POLQ: variants seen among roughly 807,000 people sequenced by gnomAD.
POLQ encodes the protein DNA polymerase theta.
POLQ carries 233 observed loss-of-function variants against 259.2 expected under a neutral mutation model. The ratio of observed to expected loss-of-function variants is 0.90; its 90% CI spans 0.81 to 1.00. POLQ has a LOEUF of 1.00. Ranked by LOEUF, POLQ falls within the 50% of genes least tolerant of loss-of-function variation. The pLI, the probability that POLQ is intolerant of heterozygous loss-of-function variation, is 0.00. For synonymous variants in POLQ, 1,025 were observed against 1,048.8 expected (o/e 0.98, Z 0.44); for missense variants, 2,871 against 3,051.6 (o/e 0.94, Z 1.39).
At chr3:121,462,261 T>C (rs901262944) in intron 24 of POLQ, among the ~76,000 whole-genome samples, 7 of 150,996 alleles carry the variant, frequency 4.6e-5, no homozygotes, top group Non-Finnish European at 8.9e-5. Context: ...ACAAATTATA[T>C]GGGAAAAAAA....
At chr3:121,464,463 A>G (rs143450965) in intron 24 of POLQ, among the ~76,000 whole-genome samples, 1 of 152,208 alleles carries the variant, frequency 6.6e-6, no homozygotes, top group African/African-American at 2.4e-5. Flanking sequence ...TACAATCAAC[A>G]TGTTATATAA....
In POLQ at chr3:121,458,516, A is replaced by T. The variant is rs146020125; in HGVS notation, c.7152+1534T>A. 1.9e-3 allele frequency among the ~76,000 whole-genome samples: 292 copies of T among 152,318 alleles called. 1 individual carries two copies. Among genetic ancestry groups the T allele is most frequent in the Middle Eastern group, 6.8e-3 (2 of 294 alleles). On this transcript the variant is annotated intron_variant, in intron 25 of 29. Coordinates refer to ENST00000264233, the MANE Select transcript of POLQ (RefSeq NM_199420.4). ...TTAAGCAAATTACTTTCTGTGCTTC[A>T]GTTTCCTCCTCTATAAAATGGTGAT...
At chr3:121,462,321 G>A (rs2047798816) in intron 24 of POLQ, among the ~76,000 whole-genome samples, 1 of 152,128 alleles carries the variant, frequency 6.6e-6, no homozygotes, top group Non-Finnish European at 1.5e-5. Flanking sequence ...TATAATCACT[G>A]AGAATGGAAG....
At chr3:121,444,311 C>T (rs2047616189) in intron 26 of POLQ, among the ~76,000 whole-genome samples, 1 of 136,970 alleles carries the variant, frequency 7.3e-6, no homozygotes, top group African/African-American at 2.7e-5. Context: ...AGATCTTTCA[C>T]TTCTTTGGCT....
intron 8 of POLQ, among the ~76,000 whole-genome samples, chr3:121,520,575 T>G (rs1276091353): frequency 1.3e-5 from 2 of 152,192 alleles, no homozygotes; most frequent in African/African-American, 4.8e-5. Flanking sequence ...CTGCCTCTAG[T>G]ATACCTCTAC....
rs866469286 is a variant in POLQ, at chr3:121,467,039, A to G, written c.6967+480T>C. On this transcript the variant is annotated intron_variant, in intron 24 of 29. Transcript: ENST00000264233. ...GAGTATTGAGGAGGGGTCAGGCAGA[A>G]TGAGAATAGCCTTAGGGGCCACCCC... 2.0e-5 allele frequency among the ~76,000 whole-genome samples: 3 copies of G among 152,362 alleles called. No individual in the cohort carries two copies. The Middle Eastern group carries it at 0.01, about 518-fold the overall frequency.
rs543100742 is a variant in POLQ at position 121,528,901 on chromosome 3, G to A, written c.1108+744C>T. Among the ~76,000 whole-genome samples, 22 of 152,136 alleles carry A rather than the reference G, an allele frequency of 1.4e-4. No individual in the cohort carries two copies. In the South Asian group the frequency reaches 3.7e-3, roughly 26 times the overall value. ...CAGGAGGCAGAGGTTGCAGTGAGCC[G>A]AGATCATGCCATTGTATTCCAGCCT... On this transcript the variant is annotated intron_variant, in intron 7 of 29. Transcript: ENST00000264233.
chr3:121,528,096 G>C (rs1483037787), intron 7 of POLQ, among the ~76,000 whole-genome samples: 1 of 152,108 alleles, frequency 6.6e-6, no homozygotes, highest in Non-Finnish European at 1.5e-5. Context: ...TGTATGGTCT[G>C]TGTCTGTGTG....
chr3:121,515,371 T>C (rs1015470012), intron 9 of POLQ, among the ~76,000 whole-genome samples: 7 of 152,136 alleles, frequency 4.6e-5, no homozygotes, highest in Non-Finnish European at 8.8e-5. Flanking sequence ...TGGTCCAGAA[T>C]AGCAACTCCA....
At chr3:121,501,290 A>G (rs1357085785) in intron 12 of POLQ, among the ~76,000 whole-genome samples, 1 of 152,008 alleles carries the variant, frequency 6.6e-6, no homozygotes, top group African/African-American at 2.4e-5. Context: ...AAGGAGAGTT[A>G]TTTTTCAAAA....
chr3:121,476,455 T>C, intron 20 of POLQ, 85 bp downstream of exon 20: 4 of 726,916 alleles, frequency 5.5e-6, no homozygotes, highest in Non-Finnish European at 8.6e-6. Context: ...TTCAGGTAAA[T>C]ACACACACAC....
At chr3:121,498,969 G>GTAAT (rs2048145554) in intron 12 of POLQ, among the ~76,000 whole-genome samples, 1 of 152,028 alleles carries the variant, frequency 6.6e-6, no homozygotes, top group African/African-American at 2.4e-5. Context: ...TAATCCCAAT[G>GTAAT]CTGTAGGAGG....
At chr3:121,513,451 A>G (rs193075077) in intron 9 of POLQ, among the ~76,000 whole-genome samples, 1 of 151,648 alleles carries the variant, frequency 6.6e-6, no homozygotes, top group East Asian at 2.0e-4. Context: ...AAAATACAAA[A>G]ATTAGCTGGG....
At chr3:121,479,576 C>T (rs2047955158) in intron 19 of POLQ, among the ~76,000 whole-genome samples, 3 of 152,068 alleles carry the variant, frequency 2.0e-5, no homozygotes, top group Admixed American at 1.3e-4. Context: ...GCCTCAGCCT[C>T]CTGAGTAGCT....
chr3:121,447,261 C>G (rs2108776980), intron 26 of POLQ, among the ~76,000 whole-genome samples: 1 of 150,540 alleles, frequency 6.6e-6, no homozygotes, highest in South Asian at 2.1e-4. Flanking sequence ...ACCTCCGCCT[C>G]CTGGGTTCAA....
chr3:121,471,760 A>AAAAT (rs539806767), intron 22 of POLQ, among the ~76,000 whole-genome samples: 143 of 152,134 alleles, frequency 9.4e-4, no homozygotes, highest in African/African-American at 1.8e-3. Flanking sequence ...ACTCTGTCTC[A>AAAAT]AAATAAATAA....
chr3:121,519,306 T>C (rs1385120978), intron 9 of POLQ, among the ~76,000 whole-genome samples: 1 of 150,364 alleles, frequency 6.7e-6, no homozygotes, highest in Non-Finnish European at 1.5e-5. Flanking sequence ...TTTTATTGTA[T>C]ACAATACGAA....
intron 11 of POLQ, 31 bp downstream of exon 11, chr3:121,510,008 G>A: frequency 6.5e-7 from 1 of 1,530,616 alleles, no homozygotes; most frequent in Non-Finnish European, 9.1e-7. Flanking sequence ...AAGAAAAAGT[G>A]AGTAAATTGC....
At chr3:121,436,820 C>T (rs1158084519) in intron 27 of POLQ, among the ~76,000 whole-genome samples, 1 of 151,488 alleles carries the variant, frequency 6.6e-6, no homozygotes, top group Non-Finnish European at 1.5e-5. Context: ...AGTGAAAACG[C>T]ACATCCTAGA....
Sources: allele counts gnomAD v4.1 joint callset (sites outside exome capture counted in the v4.1 genomes callset), GRCh38; gene constraint gnomAD v4.1.1; transcripts MANE v1.5; gene names NCBI Gene and HGNC (gene_info 2026-07-23, HGNC 2026-07-21).